The following ZMAT4 variants were observed in gnomAD, a reference collection of about 807,000 sequenced individuals.
ZMAT4 encodes the protein zinc finger matrin-type 4.
ZMAT4 carries 17 observed loss-of-function variants against 28.7 expected under a neutral mutation model. The observed-to-expected ratio is 0.59, with a 90% confidence interval of 0.41 to 0.89. ZMAT4 has a LOEUF of 0.89. Ranked by LOEUF, ZMAT4 falls within the 40% of genes least tolerant of loss-of-function variation. ZMAT4 has a pLI of 0.00. For missense variants in ZMAT4, 240 were observed against 283.8 expected, an observed-to-expected ratio of 0.85 and a Z score of 1.11; for synonymous variants, 117 against 109.2, an observed-to-expected ratio of 1.07 and a Z score of -0.44.
intron 3 of ZMAT4, among the ~76,000 whole-genome samples, chr8:40,725,954 A>T (rs980878547): frequency 6.6e-6 from 1 of 152,202 alleles, no homozygotes; most frequent in African/African-American, 2.4e-5. Context: ...CTAAGCCAGG[A>T]TGCTCCAATT....
At chr8:40,828,140 T>A (rs1198364299) in intron 1 of ZMAT4, among the ~76,000 whole-genome samples, 1 of 152,128 alleles carries the variant, frequency 6.6e-6, no homozygotes, top group East Asian at 1.9e-4. Flanking sequence ...ACCCACAATA[T>A]CATAGTCATT....
At chr8:40,861,648 G>A (rs575255028) in intron 1 of ZMAT4, among the ~76,000 whole-genome samples, 1 of 152,196 alleles carries the variant, frequency 6.6e-6, no homozygotes, top group South Asian at 2.1e-4. Context: ...CAGAATGGGA[G>A]AAAGTTTTTG....
intron 3 of ZMAT4, among the ~76,000 whole-genome samples, chr8:40,705,773 C>G (rs1408615545): frequency 1.3e-5 from 2 of 152,156 alleles, no homozygotes. Context: ...ATAATATAAT[C>G]TATTATCATT....
At chr8:40,694,852 C>T (rs976928834) in intron 4 of ZMAT4, among the ~76,000 whole-genome samples, 1 of 152,160 alleles carries the variant, frequency 6.6e-6, no homozygotes, top group Admixed American at 6.5e-5. Flanking sequence ...CTAACTTCCC[C>T]TCACTCCCCT....
At chr8:40,854,352 A>G (rs906122005) in intron 1 of ZMAT4, among the ~76,000 whole-genome samples, 7 of 152,244 alleles carry the variant, frequency 4.6e-5, no homozygotes, top group African/African-American at 1.7e-4. Context: ...AAATTCCTAT[A>G]GAGAGTGAAG....
At chr8:40,888,095 C>G (rs1426006864) in intron 1 of ZMAT4, among the ~76,000 whole-genome samples, 1 of 152,200 alleles carries the variant, frequency 6.6e-6, no homozygotes, top group Non-Finnish European at 1.5e-5. Flanking sequence ...CACTCTACCT[C>G]AGCTGAATAC....
chr8:40,536,709 C>A (rs1023631489), intron 6 of ZMAT4, among the ~76,000 whole-genome samples: 4 of 152,008 alleles, frequency 2.6e-5, no homozygotes, highest in African/African-American at 9.7e-5. Flanking sequence ...CCTGCTTCTT[C>A]CAGATCGTGT....
At chr8:40,764,623 AC>A (rs1489259607) in intron 3 of ZMAT4, among the ~76,000 whole-genome samples, 1 of 152,112 alleles carries the variant, frequency 6.6e-6, no homozygotes, top group East Asian at 1.9e-4. Flanking sequence ...TGGGATGCAA[AC>A]CTCTCACAGC....
At chr8:40,758,510 T>C (rs1812788797) in intron 3 of ZMAT4, among the ~76,000 whole-genome samples, 1 of 152,232 alleles carries the variant, frequency 6.6e-6, no homozygotes, top group Non-Finnish European at 1.5e-5. Flanking sequence ...AGATTTTAGT[T>C]ATTAAGGACC....
At chr8:40,862,565 T>A (rs1586184424) in intron 1 of ZMAT4, among the ~76,000 whole-genome samples, 14 of 82,290 alleles carry the variant, frequency 1.7e-4, no homozygotes, top group South Asian at 4.0e-4. Flanking sequence ...AAACTTAGAG[T>A]ATAATAAAAA....
At chr8:40,683,646 AAC>A (rs1004592225) in intron 4 of ZMAT4, among the ~76,000 whole-genome samples, 1 of 152,214 alleles carries the variant, frequency 6.6e-6, no homozygotes, top group Non-Finnish European at 1.5e-5. Context: ...AGAAACAAGA[AAC>A]ACAGGTGGCA....
chr8:40,788,350 C>T (rs963559894), intron 2 of ZMAT4, among the ~76,000 whole-genome samples: 10 of 152,178 alleles, frequency 6.6e-5, no homozygotes, highest in Non-Finnish European at 8.8e-5. Flanking sequence ...TTTGGGAGGC[C>T]GGGGCAGGCG....
intron 2 of ZMAT4, among the ~76,000 whole-genome samples, chr8:40,801,351 A>AAATATATATATATATATATATATATATAT (rs370796453): frequency 2.3e-4 from 22 of 97,236 alleles, no homozygotes; most frequent in African/African-American, 7.4e-4. Context: ...TAAAAAAAAA[A>AAATATATATATATATATATATATATATAT]ATATATATAT....
In ZMAT4 at chr8:40,578,465, A is replaced by G. The variant is rs191301432; in HGVS notation, c.674+2700T>C. The stretch of plus-strand genomic sequence containing the variant: ...AGAGAATTCTTAAATAGCACTCAAA[A>G]AAATTTAACCATAAAAAAAGACTGA... On this transcript the variant is annotated intron_variant, in intron 6 of 6. Coordinates refer to ENST00000297737, the MANE Select transcript of ZMAT4 (RefSeq NM_024645.3). Among the ~76,000 whole-genome samples, 27 of 152,308 alleles carry G rather than the reference A, an allele frequency of 1.8e-4. No homozygotes were observed. The East Asian group carries it at 4.4e-3, about 25-fold the overall frequency.
At chr8:40,854,200 A>G (rs1422899923) in intron 1 of ZMAT4, among the ~76,000 whole-genome samples, 1 of 152,218 alleles carries the variant, frequency 6.6e-6, no homozygotes, top group Non-Finnish European at 1.5e-5. Flanking sequence ...GAAGGGACGC[A>G]TAGTAAACTA....
intron 6 of ZMAT4, among the ~76,000 whole-genome samples, chr8:40,541,598 CAT>C (rs1401135008): frequency 1.4e-4 from 22 of 152,306 alleles, no homozygotes; most frequent in African/African-American, 5.3e-4. Context: ...AGATACAAAA[CAT>C]GTCGCTCACC....
chr8:40,601,468 G>GAAAGAAAGAAAGAAA (rs1563359930), intron 5 of ZMAT4, among the ~76,000 whole-genome samples: 45 of 19,964 alleles, frequency 2.3e-3, no homozygotes, highest in South Asian at 5.4e-3. Context: ...GAGGAAGAAA[G>GAAAGAAAGAAAGAAA]GAAAGAAAGA....
At chr8:40,629,649 A>G in intron 5 of ZMAT4, among the ~76,000 whole-genome samples, 1 of 147,492 alleles carries the variant, frequency 6.8e-6, no homozygotes, top group Non-Finnish European at 1.5e-5. Context: ...GAGTGAGAAC[A>G]TGCGGTGTTT....
chr8:40,820,356 TTG>T lies in ZMAT4; in HGVS notation c.102+5217_102+5218del, dbSNP rs1462119900. Among the ~76,000 whole-genome samples, 5 of 146,116 alleles carry T rather than the reference TTG, an allele frequency of 3.4e-5. No homozygotes were observed. The South Asian group carries it at 9.0e-4, about 26-fold the overall frequency. ...TGTATGTGTGTGTTTATGTGTGTGT[TTG>T]TGTGTGTCTACGTGTGTGGGTGTGT... On this transcript the variant is annotated intron_variant, in intron 2 of 6. Coordinates refer to ENST00000297737, the MANE Select transcript of ZMAT4 (RefSeq NM_024645.3).
Sources: allele counts gnomAD v4.1 joint callset (sites outside exome capture counted in the v4.1 genomes callset), GRCh38; gene constraint gnomAD v4.1.1; transcripts MANE v1.5; gene names NCBI Gene and HGNC (gene_info 2026-07-23, HGNC 2026-07-21).